Variants in ASTN2 observed in about 807,000 individuals in gnomAD.
ASTN2 encodes astrotactin-2.
Under a neutral mutation model 139.8 loss-of-function variants are expected in ASTN2, and 54 were observed. The observed-to-expected ratio is 0.39, with a 90% confidence interval of 0.31 to 0.48. The LOEUF is 0.48. ASTN2 is among the 20% of genes least tolerant of loss of function. The pLI, the probability that ASTN2 is intolerant of heterozygous loss-of-function variation, is 0.95. For synonymous variants in ASTN2, 756 were observed against 719.5 expected, an observed-to-expected ratio of 1.05 and a Z score of -0.81; for missense variants, 1,565 against 1,725.1, an observed-to-expected ratio of 0.91 and a Z score of 1.64.
In ASTN2 at chr9:116,753,874, G is replaced by T. The variant is rs114536076; in HGVS notation, c.2397-20351C>A. On this transcript the variant is annotated intron_variant, in intron 13 of 22. Transcript: ENST00000313400. ...TTACATACGTATACATGTGCCATAG[G>T]GGTTTGCTGCACCCATCAACCTCAA... Among the ~76,000 whole-genome samples the T allele has an allele frequency of 5.8e-3, 885 of 151,716 alleles. 13 individuals are homozygous for T. The highest frequency in any genetic ancestry group is 0.021 in the African/African-American group (854 of 41,326).
intron 1 of ASTN2, among the ~76,000 whole-genome samples, chr9:117,405,571 T>C (rs1830960044): frequency 6.6e-6 from 1 of 152,192 alleles, no homozygotes; most frequent in African/African-American, 2.4e-5. Context: ...GTTTCCCAGC[T>C]GCCCTTCCCT....
At chr9:117,369,626 T>C (rs1195286965) in intron 1 of ASTN2, among the ~76,000 whole-genome samples, 2 of 152,124 alleles carry the variant, frequency 1.3e-5, no homozygotes, top group Non-Finnish European at 2.9e-5. Flanking sequence ...CTAAACACTC[T>C]TTGAAGGCAG....
At chr9:116,723,869 G>T (rs1828542379) in intron 16 of ASTN2, among the ~76,000 whole-genome samples, 1 of 152,156 alleles carries the variant, frequency 6.6e-6, no homozygotes, top group African/African-American at 2.4e-5. Flanking sequence ...CAGACTAGAA[G>T]CCCAGGAAGG....
At chr9:116,635,459 TA>T (rs1857029071) in intron 17 of ASTN2, among the ~76,000 whole-genome samples, 1 of 152,186 alleles carries the variant, frequency 6.6e-6, no homozygotes, top group Non-Finnish European at 1.5e-5. Flanking sequence ...TCCTGATACA[TA>T]AAAAATAAGC....
At chr9:117,086,381 T>C (rs911609775) in intron 5 of ASTN2, among the ~76,000 whole-genome samples, 1 of 152,142 alleles carries the variant, frequency 6.6e-6, no homozygotes, top group Non-Finnish European at 1.5e-5. Context: ...GAGACCATCC[T>C]GGCTAACATG....
At chr9:116,692,649 A>G (rs1860630009) in intron 16 of ASTN2, among the ~76,000 whole-genome samples, 1 of 152,252 alleles carries the variant, frequency 6.6e-6, no homozygotes, top group South Asian at 2.1e-4. Flanking sequence ...TGCTTCCTTA[A>G]TCTATATAAT....
At position 116,866,567 on chromosome 9, in the gene ASTN2, C is replaced by A. The variant is rs115761234; in HGVS notation, c.1890-2834G>T. Among the ~76,000 whole-genome samples, 1,262 of 152,122 alleles carry A rather than the reference C, an allele frequency of 8.3e-3. 17 individuals carry two copies. Among genetic ancestry groups the A allele is most frequent in the African/African-American group, 0.029 (1,222 of 41,490 alleles). On this transcript the variant is annotated intron_variant, in intron 10 of 22. Coordinates refer to ENST00000313400, the MANE Select transcript of ASTN2 (RefSeq NM_001365068.1). ...CATTAAGCCTATTAAAATATTAATACCCTAGAAGGGAGAAGAAGAAACAGA... is the reference window on the plus strand; with the variant it reads ...CATTAAGCCTATTAAAATATTAATAACCTAGAAGGGAGAAGAAGAAACAGA...
intron 4 of ASTN2, among the ~76,000 whole-genome samples, chr9:117,136,849 A>C (rs1477428704): frequency 6.6e-6 from 1 of 152,200 alleles, no homozygotes; most frequent in Non-Finnish European, 1.5e-5. Context: ...CTTGGGTATT[A>C]ATTCACAACC....
intron 13 of ASTN2, among the ~76,000 whole-genome samples, chr9:116,801,585 C>CAAAAAAAAAAAAAA (rs397893932): frequency 7.3e-4 from 44 of 60,376 alleles, no homozygotes; most frequent in Non-Finnish European, 1.0e-3. Context: ...GGCTCTGTCT[C>CAAAAAAAAAAAAAA]AAAAAAAAAA....
At chr9:117,064,487 G>A (rs1258678952) in intron 5 of ASTN2, among the ~76,000 whole-genome samples, 1 of 152,196 alleles carries the variant, frequency 6.6e-6, no homozygotes, top group African/African-American at 2.4e-5. Context: ...TCTCAACATA[G>A]AATGCCTTTG....
chr9:116,945,389 G>A (rs531890975), intron 10 of ASTN2, among the ~76,000 whole-genome samples: 2 of 152,290 alleles, frequency 1.3e-5, no homozygotes, highest in African/African-American at 2.4e-5. Flanking sequence ...GGGACTGAAT[G>A]TCAGGCAGCC....
chr9:116,924,713 T>C (rs985374424), intron 10 of ASTN2, among the ~76,000 whole-genome samples: 4 of 152,148 alleles, frequency 2.6e-5, no homozygotes, highest in African/African-American at 9.7e-5. Flanking sequence ...AATTAGCATA[T>C]AATGAGCAGT....
At position 116,768,172 on chromosome 9, in the gene ASTN2, A is replaced by T. The variant is rs148523651; in HGVS notation, c.2397-34649T>A. 4.3e-3 allele frequency among the ~76,000 whole-genome samples: 659 copies of T among 152,314 alleles called. 9 individuals carry two copies. The Middle Eastern group carries it at 0.058, about 13-fold the overall frequency. On this transcript the variant is annotated intron_variant, in intron 13 of 22. Coordinates refer to ENST00000313400, the MANE Select transcript of ASTN2 (RefSeq NM_001365068.1). The stretch of plus-strand genomic sequence containing the variant: ...CACTTTCTTGTTAAATTCTTCTTTG[A>T]AAAAGAGTTATGTCACTGATTCCAA...
At chr9:116,760,114 C>T (rs1184839005) in intron 13 of ASTN2, among the ~76,000 whole-genome samples, 1 of 152,170 alleles carries the variant, frequency 6.6e-6, no homozygotes, top group Non-Finnish European at 1.5e-5. Flanking sequence ...CATTGCAAAG[C>T]ACATGTGCAC....
intron 20 of ASTN2, among the ~76,000 whole-genome samples, chr9:116,456,190 AC>A (rs1349052955): frequency 1.3e-5 from 2 of 152,214 alleles, no homozygotes; most frequent in African/African-American, 2.4e-5. Flanking sequence ...AAATCAACAT[AC>A]AAAATAAGTA....
chr9:116,620,408 G>A lies in ASTN2; in HGVS notation c.3108C>T (p.Cys1036=), dbSNP rs1206822151. The change falls in exon 18 of 23, where the codon TGC becomes TGT. Residue 1036 remains cysteine (C), a synonymous_variant. Coordinates refer to ENST00000313400, the MANE Select transcript of ASTN2 (RefSeq NM_001365068.1). ...CATCGATCACATCCCCTTTCCCTGAGCACCAGTAGGAACTCATCAGTGCAC... is the reference window on the plus strand; with the variant it reads ...CATCGATCACATCCCCTTTCCCTGAACACCAGTAGGAACTCATCAGTGCAC... ...FKSALMSSYW[C]SGKGDVIDDW... is the part of the protein sequence containing the mutation. The A allele has an allele frequency of 6.8e-6, 11 of 1,614,042 alleles. No individual in the cohort carries two copies. The highest frequency in any genetic ancestry group is 8.5e-6 in the Non-Finnish European group (10 of 1,180,034).
At chr9:116,693,027 TCTTTATATGC>T (rs1315966595) in intron 16 of ASTN2, among the ~76,000 whole-genome samples, 10 of 152,186 alleles carry the variant, frequency 6.6e-5, no homozygotes, top group African/African-American at 1.9e-4. Flanking sequence ...CTTTTATTAA[TCTTTATATGC>T]CTTTATATGC....
At chr9:116,912,109 CTG>C (rs1485825117) in intron 10 of ASTN2, among the ~76,000 whole-genome samples, 24 of 152,250 alleles carry the variant, frequency 1.6e-4, no homozygotes, top group African/African-American at 5.5e-4. Context: ...TTCAATGTGA[CTG>C]TGTCTAAGGT....
At chr9:117,359,376 T>G (rs1454423527) in intron 1 of ASTN2, among the ~76,000 whole-genome samples, 1 of 152,206 alleles carries the variant, frequency 6.6e-6, no homozygotes, top group African/African-American at 2.4e-5. Context: ...ATGTGGCAAG[T>G]AAAGTAACAA....
Sources: gnomAD v4.1 joint callset for allele counts (sites outside exome capture counted in the v4.1 genomes callset) on GRCh38, gnomAD v4.1.1 for gene constraint, MANE v1.5 for transcripts, NCBI Gene and HGNC (gene_info 2026-07-23, HGNC 2026-07-21) for gene names.